Variants in KCNK13 observed in about 807,000 individuals in gnomAD.
KCNK13 encodes the protein potassium channel subfamily K member 13.
A neutral mutation model predicts 23.4 loss-of-function variants in KCNK13; 12 were observed. The ratio of observed to expected loss-of-function variants is 0.51; its 90% confidence interval spans 0.33 to 0.83. The LOEUF is 0.83. Among genes scored for constraint, KCNK13 ranks in the 40% least tolerant of loss-of-function variants. The probability of loss-of-function intolerance (pLI) is 0.02; values close to 1 mark genes in which losing one functional copy is unlikely to be tolerated. For synonymous variants in KCNK13, 231 were observed against 229.5 expected, an observed-to-expected ratio of 1.01 and a Z score of -0.06; for missense variants, 463 against 556.3, an observed-to-expected ratio of 0.83 and a Z score of 1.69.
Position 90,154,959 on chromosome 14 carries a change from T to C in KCNK13, c.335-29152T>C, listed in dbSNP as rs139293006. Among the ~76,000 whole-genome samples the C allele has an allele frequency of 6.8e-3, 1,032 of 152,308 alleles. 11 individuals are homozygous for C. Among genetic ancestry groups the C allele is most frequent in the African/African-American group, 0.023 (951 of 41,558 alleles). On this transcript the variant is annotated intron_variant, in intron 1 of 1. Transcript: ENST00000282146. Reference sequence around the variant, plus strand: ...AGCCCTTACTATGTTTCAGGCATCATCCTAGGCTCTGAGGATACAGCAGTG... The same window carrying C: ...AGCCCTTACTATGTTTCAGGCATCACCCTAGGCTCTGAGGATACAGCAGTG...
intron 1 of KCNK13, among the ~76,000 whole-genome samples, chr14:90,070,164 G>A (rs1889056850): frequency 6.6e-6 from 1 of 152,170 alleles, no homozygotes; most frequent in African/African-American, 2.4e-5. Context: ...GTTACCTGTT[G>A]TGGGATGCAT....
chr14:90,165,476 G>A (rs1890292739), intron 1 of KCNK13, among the ~76,000 whole-genome samples: 1 of 152,168 alleles, frequency 6.6e-6, no homozygotes, highest in South Asian at 2.1e-4. Context: ...TAAAGACATA[G>A]TCATCATTCT....
chr14:90,172,489 A>G (rs1287806578), intron 1 of KCNK13, among the ~76,000 whole-genome samples: 2 of 152,144 alleles, frequency 1.3e-5, no homozygotes, highest in Non-Finnish European at 2.9e-5. Context: ...GCTTTCGATT[A>G]TAGGATCCAA....
At chr14:90,087,629 C>T (rs563404586) in intron 1 of KCNK13, among the ~76,000 whole-genome samples, 4 of 152,160 alleles carry the variant, frequency 2.6e-5, no homozygotes, top group Non-Finnish European at 4.4e-5. Flanking sequence ...TCAATCACTG[C>T]GCAGCATAAT....
intron 1 of KCNK13, among the ~76,000 whole-genome samples, chr14:90,150,882 T>C (rs1042428999): frequency 3.9e-5 from 6 of 152,132 alleles, no homozygotes; most frequent in Non-Finnish European, 7.4e-5. Context: ...GGGAGGCTGA[T>C]GTGGGAGGAT....
intron 1 of KCNK13, among the ~76,000 whole-genome samples, chr14:90,143,820 T>C (rs1419854860): frequency 1.3e-5 from 2 of 152,206 alleles, no homozygotes; most frequent in Non-Finnish European, 2.9e-5. Context: ...AGCATGGTGT[T>C]TGCCTTATTG....
chr14:90,161,372 G>A (rs1262503443), intron 1 of KCNK13, among the ~76,000 whole-genome samples: 1 of 152,186 alleles, frequency 6.6e-6, no homozygotes, highest in Non-Finnish European at 1.5e-5. Flanking sequence ...ATGGCTAGTG[G>A]TGATTGTACA....
intron 1 of KCNK13, among the ~76,000 whole-genome samples, chr14:90,105,691 T>G (rs1889536111): frequency 6.6e-6 from 1 of 152,106 alleles, no homozygotes; most frequent in Non-Finnish European, 1.5e-5. Flanking sequence ...TTGAAGGCCC[T>G]TGAATCCAAC....
rs534825661 is a variant in KCNK13 at position 90,123,931 on chromosome 14, C to G, written c.335-60180C>G. Among the ~76,000 whole-genome samples, 59 of 152,266 alleles carry G rather than the reference C, an allele frequency of 3.9e-4. No individual in the cohort carries two copies. The South Asian group carries it at 0.011, about 29-fold the overall frequency. Reference sequence around the variant, plus strand: ...GGGCGGTTTTTAACAGATAGCAATGCCTCCAGAGATTCTGACTTAATTGGT... The same window carrying G: ...GGGCGGTTTTTAACAGATAGCAATGGCTCCAGAGATTCTGACTTAATTGGT... On this transcript the variant is annotated intron_variant, in intron 1 of 1. Coordinates refer to ENST00000282146, the MANE Select transcript of KCNK13 (RefSeq NM_022054.4).
chr14:90,135,764 G>C (rs1234220203), intron 1 of KCNK13, among the ~76,000 whole-genome samples: 2 of 152,102 alleles, frequency 1.3e-5, no homozygotes, highest in African/African-American at 2.4e-5. Flanking sequence ...CTGTGTTTAA[G>C]TTTTCATTTC....
intron 1 of KCNK13, among the ~76,000 whole-genome samples, chr14:90,081,795 G>A (rs992409874): frequency 3.3e-5 from 5 of 152,174 alleles, no homozygotes; most frequent in African/African-American, 1.2e-4. Flanking sequence ...TCCCAGTGTG[G>A]CAGTGTTGGG....
At chr14:90,144,498 T>TTC (rs1433569726) in intron 1 of KCNK13, among the ~76,000 whole-genome samples, 1 of 125,090 alleles carries the variant, frequency 8.0e-6, no homozygotes, top group Non-Finnish European at 1.7e-5. Context: ...ACTTTCTCTT[T>TTC]TTTTTTTTTT....
chr14:90,131,751 G>A (rs1889877346), intron 1 of KCNK13, among the ~76,000 whole-genome samples: 1 of 152,196 alleles, frequency 6.6e-6, no homozygotes, highest in Admixed American at 6.5e-5. Context: ...AGCTATTATT[G>A]AAAACAACAG....
intron 1 of KCNK13, among the ~76,000 whole-genome samples, chr14:90,170,269 G>A (rs1309979784): frequency 2.6e-5 from 4 of 151,900 alleles, no homozygotes; most frequent in Admixed American, 6.6e-5. Flanking sequence ...GCCAGAGTGC[G>A]GTGGTGCAAT....
At chr14:90,109,869 A>C (rs1162316222) in intron 1 of KCNK13, among the ~76,000 whole-genome samples, 1 of 151,662 alleles carries the variant, frequency 6.6e-6, no homozygotes, top group African/African-American at 2.4e-5. Context: ...CTACCACGAC[A>C]AGCTAATTTT....
At chr14:90,070,987 A>G (rs1057245924) in intron 1 of KCNK13, among the ~76,000 whole-genome samples, 2 of 152,194 alleles carry the variant, frequency 1.3e-5, no homozygotes, top group African/African-American at 4.8e-5. Context: ...GAACATTTCA[A>G]TATCTGGAAA....
At chr14:90,098,355 A>G (rs1889435839) in intron 1 of KCNK13, among the ~76,000 whole-genome samples, 1 of 152,248 alleles carries the variant, frequency 6.6e-6, no homozygotes, top group East Asian at 1.9e-4. Flanking sequence ...TAAAGTTTTG[A>G]AGTGCTATAA....
intron 1 of KCNK13, among the ~76,000 whole-genome samples, chr14:90,141,801 G>GGT (rs1566644324): frequency 6.8e-6 from 1 of 146,088 alleles, no homozygotes; most frequent in African/African-American, 2.5e-5. Context: ...TTTTGGGGGG[G>GGT]GGGACGGAGC....
chr14:90,085,667 A>T (rs1627588), intron 1 of KCNK13, among the ~76,000 whole-genome samples: 69,852 of 140,954 alleles, frequency 0.5, 17,714 homozygotes, highest in Non-Finnish European at 0.52. Context: ...CTCAAAAAAA[A>T]ATATATATAT....
Sources: gnomAD v4.1 joint callset for allele counts (sites outside exome capture counted in the v4.1 genomes callset) on GRCh38, gnomAD v4.1.1 for gene constraint, MANE v1.5 for transcripts, NCBI Gene and HGNC (gene_info 2026-07-23, HGNC 2026-07-21) for gene names.